NUP188: variants seen among roughly 807,000 people sequenced by gnomAD.
NUP188 encodes the protein nucleoporin 188.
Under a neutral mutation model 223.0 loss-of-function variants are expected in NUP188, and 97 were observed. The ratio of observed to expected loss-of-function variants is 0.43; its 90% CI spans 0.37 to 0.51. NUP188 has a LOEUF of 0.51. NUP188 is among the 20% of genes least tolerant of loss of function. The pLI is 0.00. For synonymous variants in NUP188, 869 were observed against 828.0 expected (o/e 1.05, Z -0.85); for missense variants, 1,947 against 2,175.6 (o/e 0.89, Z 2.09).
chr9:128,999,567 G>A, intron 33 of NUP188, 57 bp from the exon 34 acceptor site: 1 of 1,554,170 alleles, frequency 6.4e-7, no homozygotes, highest in Non-Finnish European at 8.8e-7. Context: ...AAACCTTGGT[G>A]TACAGTGAGA....
intron 34 of NUP188, among the ~76,000 whole-genome samples, 159 bp from the exon 35 acceptor site, chr9:129,001,370 G>C (rs1842662749): frequency 6.6e-6 from 1 of 152,154 alleles, no homozygotes; most frequent in Admixed American, 6.5e-5. Flanking sequence ...ACATAGGAGA[G>C]GGGCAGGGTG....
intron 8 of NUP188, among the ~76,000 whole-genome samples, chr9:128,959,626 G>A (rs1480858965): frequency 6.9e-6 from 1 of 145,890 alleles, no homozygotes; most frequent in Non-Finnish European, 1.5e-5. Context: ...TCCACCTCCC[G>A]GGTTCAAGTG....
chr9:128,983,565 A>G lies in NUP188; in HGVS notation c.1961+15A>G, dbSNP rs1842287300. 1 of 1,597,956 alleles carries G rather than the reference A, an allele frequency of 6.3e-7. No individual in the cohort carries two copies. The highest frequency in any genetic ancestry group is 1.1e-5 in the South Asian group (1 of 90,622). On this transcript the variant is annotated intron_variant, in intron 19 of 43. Coordinates refer to ENST00000372577, the MANE Select transcript of NUP188 (RefSeq NM_015354.3). ...CAGATGATTAGGTGAGCCAAGTCCT[A>G]GGGTGGTGGGCCATATTCCCTAGTG...
chr9:128,998,439 C>A lies in NUP188; in HGVS notation c.3430-99C>A, dbSNP rs1285239681. 9.6e-6 allele frequency: 11 copies of A among 1,144,420 alleles called. No homozygotes were observed. In the East Asian group the frequency reaches 2.3e-4, roughly 24 times the overall value. The allele number at this position is 1,144,420 out of a possible 1,614,324, so 70.9% of individuals were successfully genotyped here. ...TCCCCCTCCACTCCACTCCTGTGAG[C>A]TCACTGCTGGGGAAGAAAGGCAATG... is the stretch of plus-strand genomic sequence containing the variant. On this transcript the variant is annotated intron_variant, in intron 31 of 43. Transcript: ENST00000372577.
intron 8 of NUP188, among the ~76,000 whole-genome samples, chr9:128,963,241 A>T (rs1160105928): frequency 6.6e-6 from 1 of 152,116 alleles, no homozygotes; most frequent in Admixed American, 6.6e-5. Flanking sequence ...ATCCTGGGTA[A>T]ATAAATACCT....
At chr9:128,954,033 T>C (rs1841834150) in intron 3 of NUP188, among the ~76,000 whole-genome samples, 1 of 151,992 alleles carries the variant, frequency 6.6e-6, no homozygotes, top group South Asian at 2.1e-4. Context: ...TTTCACCATG[T>C]TGGCCAGGCT....
intron 3 of NUP188, among the ~76,000 whole-genome samples, chr9:128,954,277 C>G (rs1477025565): frequency 6.7e-6 from 1 of 150,300 alleles, no homozygotes; most frequent in Non-Finnish European, 1.5e-5. Flanking sequence ...TGCAGTGGCA[C>G]GATCTCGGCT....
At chr9:128,987,749 G>A in intron 23 of NUP188, 32 bp downstream of exon 23, 1 of 1,602,480 alleles carries the variant, frequency 6.2e-7, no homozygotes, top group Non-Finnish European at 8.5e-7. Flanking sequence ...CCCTTTGTCT[G>A]TCTTTATTGT....
In NUP188 at chr9:128,993,383, G is replaced by C. The variant is rs745753933; in HGVS notation, c.2827G>C (p.Asp943His). 1.1e-5 allele frequency: 18 copies of C among 1,614,072 alleles called. No homozygotes were observed. The Admixed American group carries it at 2.8e-4, about 25-fold the overall frequency. ...ACTGTTTCTGAACCTGGAAGTTAAG[G>C]ATGGCAGTGATGGCTCAAAGGTAAG... is the stretch of plus-strand genomic sequence containing the variant. ...IELFLNLEVK[D>H]GSDGSKEFSL... is the part of the protein sequence containing the mutation. The change falls in exon 26 of 44, where the codon GAT becomes CAT. Residue 943 changes from aspartate to histidine, a missense_variant. Asp to His is a moderately conservative substitution (Grantham distance 81). Transcript: ENST00000372577.
In NUP188 at chr9:129,006,966, C is replaced by A. The variant is rs748409161; in HGVS notation, c.*288C>A. 23 of 338,540 alleles carry A rather than the reference C, an allele frequency of 6.8e-5. No individual in the cohort carries two copies. Among genetic ancestry groups the A allele is most frequent in the Non-Finnish European group, 1.1e-4 (21 of 186,246 alleles). 21.0% of individuals were successfully genotyped at this position (338,540 alleles called of 1,614,324 possible). On this transcript the variant is annotated 3_prime_UTR_variant, in exon 44 of 44. Transcript: ENST00000372577. ...CCAGCATTCCCCACAGCACTGCCGG[C>A]CAGGGGAGAGGCGGCAGCCCAGCAG...
At chr9:128,997,867 CG>C (rs1332166873) in intron 30 of NUP188, among the ~76,000 whole-genome samples, 1 of 151,848 alleles carries the variant, frequency 6.6e-6, no homozygotes, top group African/African-American at 2.4e-5. Flanking sequence ...ACTACAGGTG[CG>C]CGCCACCATG....
chr9:128,949,775 C>T (rs1231420146), intron 2 of NUP188, among the ~76,000 whole-genome samples: 1 of 151,992 alleles, frequency 6.6e-6, no homozygotes, highest in East Asian at 1.9e-4. Flanking sequence ...ATTACAGGTG[C>T]ATGCCACCAC....
intron 17 of NUP188, 22 bp from the exon 18 acceptor site, chr9:128,983,271 T>C: frequency 2.5e-5 from 40 of 1,597,560 alleles, no homozygotes; most frequent in Non-Finnish European, 3.4e-5. Flanking sequence ...TTATTGAGTA[T>C]AGTGTATTGT....
At chr9:128,994,756 G>T (rs991062735) in intron 28 of NUP188, 100 bp from the exon 29 acceptor site, 1 of 992,730 alleles carries the variant, frequency 1.0e-6, no homozygotes, top group South Asian at 1.3e-5. Context: ...GTGCTAACTT[G>T]TTCTGCAAGT....
Position 129,006,764 on chromosome 9 carries a change from A to G in NUP188, c.*86A>G. ...GGGGTGCTGCTGGCTGCTAGGGCCTATACAATGGAGGGCACCTCCTGTCAC... is the reference window on the plus strand; with the variant it reads ...GGGGTGCTGCTGGCTGCTAGGGCCTGTACAATGGAGGGCACCTCCTGTCAC... On this transcript the variant is annotated 3_prime_UTR_variant, in exon 44 of 44. Coordinates refer to ENST00000372577, the MANE Select transcript of NUP188 (RefSeq NM_015354.3). 1 of 1,415,896 alleles carries G rather than the reference A, an allele frequency of 7.1e-7. No individual in the cohort carries two copies. The highest frequency in any genetic ancestry group is 9.5e-7 in the Non-Finnish European group (1 of 1,057,902). The allele number at this position is 1,415,896 out of a possible 1,614,324, so 87.7% of individuals were successfully genotyped here.
intron 2 of NUP188, 45 bp downstream of exon 2, chr9:128,949,288 A>G (rs1200974848): frequency 7.1e-7 from 1 of 1,402,122 alleles, no homozygotes; most frequent in Non-Finnish European, 1.0e-6. Flanking sequence ...TTCTTTGTGT[A>G]GCTTTTGTTA....
Position 129,006,920 on chromosome 9 carries a change from T to G in NUP188, c.*242T>G. On this transcript the variant is annotated 3_prime_UTR_variant, in exon 44 of 44. Transcript: ENST00000372577. ...AGGTCCTCACGCTGCAGACGCCCCC[T>G]AGAGGAACTTTCCTTCCTTTCCAGC... is the stretch of plus-strand genomic sequence containing the variant. The G allele has an allele frequency of 2.5e-6, 1 of 408,088 alleles. No homozygotes were observed. The highest frequency in any genetic ancestry group is 3.9e-5 in the East Asian group (1 of 25,752). The allele number at this position is 408,088 out of a possible 1,614,324, so 25.3% of individuals were successfully genotyped here.
intron 10 of NUP188, among the ~76,000 whole-genome samples, chr9:128,969,894 G>A (rs1188169933): frequency 6.6e-6 from 1 of 152,062 alleles, no homozygotes; most frequent in African/African-American, 2.4e-5. Context: ...GCCTCCTAAA[G>A]TGCTGGGACT....
At chr9:128,994,578 C>G (rs1842486819) in intron 28 of NUP188, 136 bp downstream of exon 28, 1 of 738,908 alleles carries the variant, frequency 1.4e-6, no homozygotes, top group Non-Finnish European at 2.3e-6. Context: ...AAACGTCTTT[C>G]TCAGGGAAGT....
Sources: allele counts gnomAD v4.1 joint callset (sites outside exome capture counted in the v4.1 genomes callset), GRCh38; gene constraint gnomAD v4.1.1; transcripts MANE v1.5; gene names NCBI Gene and HGNC (gene_info 2026-07-23, HGNC 2026-07-21).